OSMR: variants seen among roughly 807,000 people sequenced by gnomAD.
OSMR encodes oncostatin M receptor, also known as oncostatin-M-specific receptor subunit beta.
Under a neutral mutation model 99.9 loss-of-function variants are expected in OSMR, and 81 were observed. The ratio of observed to expected loss-of-function variants is 0.81; its 90% CI spans 0.68 to 0.97. OSMR has a LOEUF of 0.97. Ranked by LOEUF, OSMR falls within the 50% of genes least tolerant of loss-of-function variation. OSMR has a pLI of 0.00. For missense variants in OSMR, 1,099 were observed against 1,153.4 expected (o/e 0.95, Z 0.68); for synonymous variants, 406 against 410.4 (o/e 0.99, Z 0.13).
At chr5:38,865,611 T>C (rs1292469550) in intron 1 of OSMR, among the ~76,000 whole-genome samples, 2 of 152,094 alleles carry the variant, frequency 1.3e-5, no homozygotes, top group Admixed American at 6.5e-5. Context: ...GACAGGCTGG[T>C]TGTTGAGCCC....
intron 11 of OSMR, among the ~76,000 whole-genome samples, chr5:38,920,706 C>T (rs948716158): frequency 6.6e-6 from 1 of 152,136 alleles, no homozygotes; most frequent in African/African-American, 2.4e-5. Context: ...ACAGGATGCC[C>T]AGTTAAATGT....
At position 38,929,775 on chromosome 5, in the gene OSMR, A is replaced by C. The variant is rs75998470; in HGVS notation, c.2213-2108A>C. 5.4e-3 allele frequency among the ~76,000 whole-genome samples: 823 copies of C among 152,340 alleles called. 9 individuals are homozygous for C. The highest frequency in any genetic ancestry group is 0.019 in the African/African-American group (782 of 41,574). On this transcript the variant is annotated intron_variant, in intron 15 of 17. Coordinates refer to ENST00000274276, the MANE Select transcript of OSMR (RefSeq NM_003999.3). ...CCTAAAGATGTGTACTAATACAGTG[A>C]TTGTGAAAGGAAAATAAAATTCACT...
In OSMR at chr5:38,934,493, A is replaced by G. The variant is rs921776407; in HGVS notation, c.*1049A>G. Reference sequence around the variant, plus strand: ...AGCTTTGTCTCCTCTGAACCAATATATCCCAAACCAATATATGCAAAGCAC... The same window carrying G: ...AGCTTTGTCTCCTCTGAACCAATATGTCCCAAACCAATATATGCAAAGCAC... On this transcript the variant is annotated 3_prime_UTR_variant, in exon 18 of 18. Coordinates refer to ENST00000274276, the MANE Select transcript of OSMR (RefSeq NM_003999.3). 2 of 152,176 alleles carry G rather than the reference A, an allele frequency of 1.3e-5. No homozygotes were observed. Among genetic ancestry groups the G allele is most frequent in the Non-Finnish European group, 2.9e-5 (2 of 68,028 alleles). The allele number at this position is 152,176 out of a possible 1,614,324, so 9.4% of individuals were successfully genotyped here.
In OSMR at chr5:38,941,936, A is replaced by G. The variant is rs532571383; in HGVS notation, c.75-2265A>G. ...TATTTACCCTAAAAATCATTCAGAA[A>G]TAACTTGTGAAGGGTGCTTCTGCAT... On this transcript the variant is annotated intron_variant and NMD_transcript_variant, in intron 1 of 2. Transcript: ENST00000508882. 6 of 238,090 alleles carry G rather than the reference A, an allele frequency of 2.5e-5. No individual in the cohort carries two copies. In the Admixed American group the frequency reaches 2.8e-4, roughly 11 times the overall value. 14.7% of individuals were successfully genotyped at this position (238,090 alleles called of 1,614,324 possible).
chr5:38,885,939 T>G (rs1579708034), intron 6 of OSMR, 100 bp from the exon 7 acceptor site: 1 of 1,527,572 alleles, frequency 6.5e-7, no homozygotes, highest in Middle Eastern at 2.4e-4. Context: ...GGAACATAGT[T>G]TGACAGTCAC....
chr5:38,870,033 G>GA (rs34759709), intron 2 of OSMR, among the ~76,000 whole-genome samples: 12 of 147,232 alleles, frequency 8.2e-5, no homozygotes, highest in Admixed American at 2.0e-4. Flanking sequence ...AATATATTTG[G>GA]AAAAAAAAAA....
At chr5:38,889,589 C>A (rs1198671013) in intron 7 of OSMR, among the ~76,000 whole-genome samples, 1 of 151,904 alleles carries the variant, frequency 6.6e-6, no homozygotes, top group East Asian at 1.9e-4. Context: ...TTTACAATGT[C>A]TTTTAGTCTA....
chr5:38,937,189 C>G (rs1353775144), downstream of OSMR, among the ~76,000 whole-genome samples: 1 of 152,192 alleles, frequency 6.6e-6, no homozygotes, highest in Non-Finnish European at 1.5e-5. This position sits in a 1 kb window ranked among gnomAD's most constrained non-coding sequence, Gnocchi z 4.0. Flanking sequence ...CCGGCCACCA[C>G]GCCCGGCTGA....
At chr5:38,852,945 A>G (rs1204207133) in intron 1 of OSMR, among the ~76,000 whole-genome samples, 1 of 151,504 alleles carries the variant, frequency 6.6e-6, no homozygotes, top group African/African-American at 2.4e-5. Context: ...GTTAGCCAGG[A>G]TGGTCTCGAT....
chr5:38,884,142 T>G (rs763016375), intron 5 of OSMR, 31 bp downstream of exon 5: 5 of 1,467,194 alleles, frequency 3.4e-6, no homozygotes, highest in Non-Finnish European at 4.8e-6. Flanking sequence ...TGGCCCTTTC[T>G]TCTCATTTCC....
At chr5:38,919,415 T>C (rs1035859462) in intron 11 of OSMR, 13 of 1,178,190 alleles carry the variant, frequency 1.1e-5, no homozygotes, top group South Asian at 8.1e-5. Flanking sequence ...AAATAGGAAT[T>C]GCATTTACTA....
chr5:38,899,411 T>TG (rs958739987), intron 7 of OSMR, among the ~76,000 whole-genome samples: 35 of 152,262 alleles, frequency 2.3e-4, no homozygotes, highest in African/African-American at 7.5e-4. Flanking sequence ...AGAGCCCACT[T>TG]GTGCTCTACC....
chr5:38,860,225 T>A (rs1187366415), intron 1 of OSMR, among the ~76,000 whole-genome samples: 1 of 152,220 alleles, frequency 6.6e-6, no homozygotes, highest in Non-Finnish European at 1.5e-5. Context: ...GCCTTTATTA[T>A]GTTAAGGGTC....
At chr5:38,888,812 A>T (rs914274290) in intron 7 of OSMR, among the ~76,000 whole-genome samples, 6 of 152,054 alleles carry the variant, frequency 3.9e-5, no homozygotes, top group African/African-American at 1.4e-4. Flanking sequence ...GGTCATTTTG[A>T]TTATCTGAAA....
At chr5:38,857,449 G>GT (rs1740940348) in intron 1 of OSMR, among the ~76,000 whole-genome samples, 1 of 135,154 alleles carries the variant, frequency 7.4e-6, no homozygotes, top group Non-Finnish European at 1.6e-5. Context: ...TCTAGAATTA[G>GT]TTTTCCCCCG....
At chr5:38,940,256 T>C (rs1196768816), downstream of OSMR, 1 of 231,712 alleles carries the variant, frequency 4.3e-6, no homozygotes, top group Non-Finnish European at 8.5e-6. Flanking sequence ...TGTGTGTGTG[T>C]GTAAGACAAA....
chr5:38,853,999 G>C (rs2112055598), intron 1 of OSMR, among the ~76,000 whole-genome samples: 1 of 151,758 alleles, frequency 6.6e-6, no homozygotes, highest in Non-Finnish European at 1.5e-5. Flanking sequence ...TAAGGCAGAG[G>C]CCTCTTCAAA....
In OSMR at chr5:38,885,493, G is replaced by A. The variant is rs768548057; in HGVS notation, c.839+9G>A. Reference sequence around the variant, plus strand: ...TACACTTTATTTGAATCGTAAGTTGGCTCTGGTTACATTATTGACAACTTC... The same window carrying A: ...TACACTTTATTTGAATCGTAAGTTGACTCTGGTTACATTATTGACAACTTC... On this transcript the variant is annotated intron_variant, in intron 6 of 17. Transcript: ENST00000274276. 7.4e-6 allele frequency: 12 copies of A among 1,613,824 alleles called. No individual in the cohort carries two copies. The highest frequency in any genetic ancestry group is 2.7e-5 in the African/African-American group (2 of 74,898).
chr5:38,895,236 A>C (rs1315939083), intron 7 of OSMR, among the ~76,000 whole-genome samples: 1 of 152,108 alleles, frequency 6.6e-6, no homozygotes, highest in Non-Finnish European at 1.5e-5. Context: ...AAGAAAATAA[A>C]TAACTAAAAT....
Sources: allele counts gnomAD v4.1 joint callset (sites outside exome capture counted in the v4.1 genomes callset), GRCh38; gene constraint gnomAD v4.1.1; non-coding constraint Gnocchi (gnomAD v3.1); transcripts MANE v1.5; gene names NCBI Gene and HGNC (gene_info 2026-07-23, HGNC 2026-07-21).